PRDM16: variants seen among roughly 807,000 people sequenced by gnomAD.
PRDM16 encodes the protein PR/SET domain 16, also known as histone-lysine N-methyltransferase PRDM16.
A neutral mutation model predicts 110.6 loss-of-function variants in PRDM16; 23 were observed. The ratio of observed to expected loss-of-function variants is 0.21; its 90% confidence interval spans 0.15 to 0.29. PRDM16 has a LOEUF of 0.29. Among genes scored for constraint, PRDM16 ranks in the 10% least tolerant of loss-of-function variants. The probability of loss-of-function intolerance (pLI) is 1.00; values close to 1 mark genes in which losing one functional copy is unlikely to be tolerated. For missense variants in PRDM16, 1,615 were observed against 1,794.3 expected (o/e 0.90, Z 1.81); for synonymous variants, 799 against 781.8 (o/e 1.02, Z -0.37).
intron 4 of PRDM16, among the ~76,000 whole-genome samples, chr1:3,394,935 C>T (rs1374869428): frequency 3.9e-5 from 6 of 151,938 alleles, no homozygotes; most frequent in African/African-American, 1.5e-4. Flanking sequence ...AGTTTCTCCT[C>T]TCCACTTTTA....
intron 2 of PRDM16, among the ~76,000 whole-genome samples, chr1:3,217,895 G>T (rs924732203): frequency 6.6e-6 from 1 of 152,198 alleles, no homozygotes; most frequent in Non-Finnish European, 1.5e-5. Flanking sequence ...AGGTTTTGGG[G>T]TGCCCCCTTG....
intron 2 of PRDM16, among the ~76,000 whole-genome samples, chr1:3,210,548 A>G (rs1014934786): frequency 2.0e-5 from 3 of 152,260 alleles, no homozygotes; most frequent in African/African-American, 7.2e-5. Context: ...CTCAAGCCAC[A>G]TGCAAAGGCT....
chr1:3,157,187 C>G lies in PRDM16; in HGVS notation c.38-28938C>G, dbSNP rs141630600. Among the ~76,000 whole-genome samples the G allele has an allele frequency of 6.0e-4, 91 of 152,226 alleles. No individual in the cohort carries two copies. The highest frequency in any genetic ancestry group is 2.1e-3 in the African/African-American group (86 of 41,556). ...CGGGACCTGGAGAAGGAGGGCCGCT[C>G]GGCAACCGCTGAGCCGGCGCAAGAG... is the stretch of plus-strand genomic sequence containing the variant. On this transcript the variant is annotated intron_variant, in intron 1 of 16. Transcript: ENST00000270722. This position sits in a 1 kb window ranked among gnomAD's most constrained non-coding sequence, Gnocchi z 4.8.
intron 1 of PRDM16, among the ~76,000 whole-genome samples, chr1:3,071,568 T>G (rs1641762151): frequency 6.6e-6 from 1 of 152,234 alleles, no homozygotes; most frequent in Non-Finnish European, 1.5e-5. Context: ...CTGCCTGCCC[T>G]GAGCAAGAAG....
At chr1:3,296,795 A>G (rs1008716416) in intron 3 of PRDM16, among the ~76,000 whole-genome samples, 6 of 152,318 alleles carry the variant, frequency 3.9e-5, no homozygotes, top group Admixed American at 2.0e-4. Flanking sequence ...TTAAGTGCAG[A>G]TGTTCCTGGA....
chr1:3,315,900 G>A (rs549501006), intron 3 of PRDM16, among the ~76,000 whole-genome samples: 2 of 151,976 alleles, frequency 1.3e-5, no homozygotes, highest in Admixed American at 6.5e-5. Context: ...AAAGAGATGC[G>A]TTGCCCGAGT....
chr1:3,355,262 G>A (rs1642571437), intron 3 of PRDM16, among the ~76,000 whole-genome samples: 1 of 152,164 alleles, frequency 6.6e-6, no homozygotes, highest in Non-Finnish European at 1.5e-5. Context: ...AGTACAGAGT[G>A]GAGGCCTCCG....
intron 1 of PRDM16, among the ~76,000 whole-genome samples, chr1:3,082,612 CG>C (rs1362163375): frequency 2.0e-5 from 3 of 152,238 alleles, no homozygotes; most frequent in Non-Finnish European, 2.9e-5. Flanking sequence ...ATCCATGCCT[CG>C]GCTGGGTCAG....
chr1:3,306,509 AGACTTTT>A (rs1163244639), intron 3 of PRDM16: 1 of 152,214 alleles, frequency 6.6e-6, no homozygotes, highest in Non-Finnish European at 1.5e-5. Context: ...GGACACAGAC[AGACTTTT>A]GTCTTATAGA....
intron 3 of PRDM16, among the ~76,000 whole-genome samples, chr1:3,282,788 G>A (rs571570842): frequency 1.3e-5 from 2 of 152,176 alleles, no homozygotes; most frequent in Admixed American, 6.5e-5. Context: ...GAAGCCTGGC[G>A]AACGTGGGAC....
intron 3 of PRDM16, among the ~76,000 whole-genome samples, chr1:3,374,860 G>A (rs1006427655): frequency 6.6e-6 from 1 of 152,212 alleles, no homozygotes; most frequent in Non-Finnish European, 1.5e-5. Flanking sequence ...TAAAGAGCAG[G>A]TGAGCAGGAG....
intron 3 of PRDM16, chr1:3,307,122 AT>A (rs1318840813): frequency 1.3e-5 from 2 of 152,184 alleles, no homozygotes; most frequent in Non-Finnish European, 2.9e-5. Flanking sequence ...GATGTTATGA[AT>A]CATGCTGCTA....
chr1:3,353,663 A>G lies in PRDM16; in HGVS notation c.439-31489A>G, dbSNP rs1307844671. On this transcript the variant is annotated intron_variant, in intron 3 of 16. Transcript: ENST00000270722. This position sits in a 1 kb window ranked among gnomAD's most constrained non-coding sequence, Gnocchi z 5.4. ...ACTCAGGCCACCTCACTGCACCCAC[A>G]GGCTTTGCAGAGAGAACAGGACAAT... Among the ~76,000 whole-genome samples, 2 of 152,198 alleles carry G rather than the reference A, an allele frequency of 1.3e-5. No homozygotes were observed. Among genetic ancestry groups the G allele is most frequent in the Non-Finnish European group, 2.9e-5 (2 of 68,022 alleles).
chr1:3,430,846 G>A, intron 14 of PRDM16, 26 bp from the exon 15 acceptor site: 1 of 1,610,980 alleles, frequency 6.2e-7, no homozygotes, highest in Non-Finnish European at 8.5e-7. Flanking sequence ...CCCAAACTCA[G>A]TCAATCTCCT....
At chr1:3,396,777 CCTCCACAAAGG>C (rs1375373412) in intron 5 of PRDM16, among the ~76,000 whole-genome samples, 184 bp downstream of exon 5, 2 of 152,206 alleles carry the variant, frequency 1.3e-5, no homozygotes, top group Non-Finnish European at 2.9e-5. Context: ...AAATTGCCCG[CCTCCACAAAGG>C]CTCAACCTAA....
chr1:3,413,634 C>T (rs1315193029), intron 9 of PRDM16, among the ~76,000 whole-genome samples: 5 of 152,166 alleles, frequency 3.3e-5, no homozygotes, highest in Admixed American at 1.3e-4. Context: ...AAAGCAAAAG[C>T]GGCCAGTCAT....
chr1:3,215,987 T>C (rs939365453), intron 2 of PRDM16, among the ~76,000 whole-genome samples: 1 of 152,138 alleles, frequency 6.6e-6, no homozygotes, highest in Non-Finnish European at 1.5e-5. Context: ...GAGGCATTTT[T>C]CCCCCTGAAA....
intron 3 of PRDM16, among the ~76,000 whole-genome samples, chr1:3,271,364 G>A (rs960812007): frequency 1.3e-5 from 2 of 152,156 alleles, no homozygotes; most frequent in African/African-American, 2.4e-5. Flanking sequence ...GAGCCTCCCT[G>A]GGTCTCCCAC....
At chr1:3,231,044 G>A (rs898217710) in intron 2 of PRDM16, among the ~76,000 whole-genome samples, 8 of 152,120 alleles carry the variant, frequency 5.3e-5, no homozygotes, top group South Asian at 2.1e-4. Flanking sequence ...TCTTATCTCC[G>A]TCCTCCTTGG....
Sources: gnomAD v4.1 joint callset for allele counts (sites outside exome capture counted in the v4.1 genomes callset) on GRCh38, gnomAD v4.1.1 for gene constraint, Gnocchi (gnomAD v3.1) non-coding constraint, MANE v1.5 for transcripts, NCBI Gene and HGNC (gene_info 2026-07-23, HGNC 2026-07-21) for gene names.